KLF12: variants seen among roughly 807,000 people sequenced by gnomAD.
The protein encoded by KLF12 is Krueppel-like factor 12.
Under a neutral mutation model 37.8 loss-of-function variants are expected in KLF12, and 9 were observed. The ratio of observed to expected loss-of-function variants is 0.24; its 90% CI spans 0.14 to 0.42. The LOEUF is 0.42. Ranked by LOEUF, KLF12 falls within the 10% of genes least tolerant of loss-of-function variation. The pLI is 1.00. For missense variants in KLF12, 411 were observed against 516.0 expected, an observed-to-expected ratio of 0.80 and a Z score of 1.97; for synonymous variants, 208 against 202.1, an observed-to-expected ratio of 1.03 and a Z score of -0.25.
At chr13:74,223,249 A>G in the KLF12 span, among the ~76,000 whole-genome samples, 1 of 152,246 alleles carries the variant, frequency 6.6e-6, no homozygotes, top group Non-Finnish European at 1.5e-5. Context: ...TTAACAATAC[A>G]CAATCGGACT....
chr13:74,209,076 A>T, the KLF12 span, among the ~76,000 whole-genome samples: 3 of 151,974 alleles, frequency 2.0e-5, no homozygotes, highest in African/African-American at 7.2e-5. Flanking sequence ...CAGAAATATT[A>T]AAAAAAAGTC....
intron 5 of KLF12, among the ~76,000 whole-genome samples, chr13:73,779,923 T>C (rs1271440984): frequency 6.6e-6 from 1 of 152,218 alleles, no homozygotes; most frequent in Non-Finnish European, 1.5e-5. Context: ...CTGAGAAGGA[T>C]TCACCATTCT....
intron 1 of KLF12, among the ~76,000 whole-genome samples, chr13:74,115,309 T>TA (rs1877230027): frequency 6.6e-6 from 1 of 152,182 alleles, no homozygotes; most frequent in African/African-American, 2.4e-5. Context: ...GTGGCTGCCC[T>TA]AACAATTTTC....
At chr13:74,072,775 C>T (rs1455670267) in intron 1 of KLF12, among the ~76,000 whole-genome samples, 1 of 152,102 alleles carries the variant, frequency 6.6e-6, no homozygotes, top group East Asian at 1.9e-4. Flanking sequence ...ATGTAAGCTA[C>T]AATTTTTGAA....
At chr13:73,850,716 G>C (rs184769274) in intron 3 of KLF12, among the ~76,000 whole-genome samples, 2 of 152,152 alleles carry the variant, frequency 1.3e-5, no homozygotes, top group Admixed American at 6.5e-5. Flanking sequence ...GACATACATG[G>C]GCATTCACAC....
At chr13:73,764,641 G>A (rs1047259691) in intron 6 of KLF12, among the ~76,000 whole-genome samples, 2 of 151,580 alleles carry the variant, frequency 1.3e-5, no homozygotes, top group African/African-American at 2.4e-5. Context: ...ATGTACCTTC[G>A]AAAAAAAGGA....
chr13:73,729,358 C>T (rs1321206796), intron 6 of KLF12, among the ~76,000 whole-genome samples: 1 of 152,182 alleles, frequency 6.6e-6, no homozygotes, highest in Non-Finnish European at 1.5e-5. Flanking sequence ...GTTTACAATA[C>T]TCTCAGTGTA....
At chr13:74,124,696 A>G (rs1385531701) in intron 1 of KLF12, among the ~76,000 whole-genome samples, 1 of 152,194 alleles carries the variant, frequency 6.6e-6, no homozygotes, top group Non-Finnish European at 1.5e-5. Flanking sequence ...ATTTTTGGAA[A>G]AGAAAACTTC....
chr13:73,764,477 TA>T lies in KLF12; in HGVS notation c.869+460del, dbSNP rs34174554. ...AAGAAGATCTTAGTACTCCCCAAAT[TA>T]AAAAAAAAAAAAATCCTGGATATTT... is the stretch of plus-strand genomic sequence containing the variant. On this transcript the variant is annotated intron_variant, in intron 6 of 7. Transcript: ENST00000377669. Among the ~76,000 whole-genome samples, 317 of 148,476 alleles carry T rather than the reference TA, an allele frequency of 2.1e-3. 3 individuals carry two copies. The highest frequency in any genetic ancestry group is 0.014 in the South Asian group (67 of 4,728).
chr13:73,698,197 G>C (rs920085715), intron 7 of KLF12, among the ~76,000 whole-genome samples: 3 of 151,500 alleles, frequency 2.0e-5, no homozygotes, highest in Non-Finnish European at 4.4e-5. Flanking sequence ...AAGGGGGAGG[G>C]GAAAGGGAAG....
chr13:73,806,739 A>T lies in KLF12; in HGVS notation c.806+6413T>A, dbSNP rs145562364. On this transcript the variant is annotated intron_variant, in intron 5 of 7. Coordinates refer to ENST00000377669, the MANE Select transcript of KLF12 (RefSeq NM_007249.5). Reference sequence around the variant, plus strand: ...AGGCCTCCGCTTCTTTATCTGTAGGATACAGACAGTATCATGGGGCAAATT... The same window carrying T: ...AGGCCTCCGCTTCTTTATCTGTAGGTTACAGACAGTATCATGGGGCAAATT... 1.8e-3 allele frequency among the ~76,000 whole-genome samples: 268 copies of T among 152,100 alleles called. 1 individual carries two copies. The highest frequency in any genetic ancestry group is 6.8e-3 in the Middle Eastern group (2 of 294).
chr13:73,858,627 A>G (rs1301689789), intron 3 of KLF12, among the ~76,000 whole-genome samples: 4 of 152,214 alleles, frequency 2.6e-5, no homozygotes, highest in Non-Finnish European at 5.9e-5. Flanking sequence ...TTACTATATA[A>G]TCAACACAAC....
intron 2 of KLF12, among the ~76,000 whole-genome samples, chr13:73,989,711 C>T (rs1021890077): frequency 6.6e-6 from 1 of 152,166 alleles, no homozygotes; most frequent in East Asian, 1.9e-4. Flanking sequence ...CTGGCAAACA[C>T]TAGCCCCATA....
intron 6 of KLF12, among the ~76,000 whole-genome samples, chr13:73,750,548 C>G (rs756912073): frequency 1.3e-5 from 2 of 152,120 alleles, no homozygotes; most frequent in Admixed American, 1.3e-4. Context: ...TGATGCTATG[C>G]TCCATATGGT....
chr13:73,698,915 G>A (rs1019719934), intron 7 of KLF12, among the ~76,000 whole-genome samples: 21 of 152,292 alleles, frequency 1.4e-4, no homozygotes, highest in African/African-American at 4.6e-4. Flanking sequence ...AAATGGGTGG[G>A]TGAGGGAATG....
At chr13:74,210,797 T>C in the KLF12 span, among the ~76,000 whole-genome samples, 1 of 152,218 alleles carries the variant, frequency 6.6e-6, no homozygotes. Context: ...TCTATTGTTC[T>C]CCAGGCCTCA....
intron 1 of KLF12, among the ~76,000 whole-genome samples, chr13:74,048,950 C>A (rs945882457): frequency 2.6e-5 from 4 of 152,182 alleles, no homozygotes. Flanking sequence ...AAATAACAAG[C>A]AACCTGACAC....
intron 5 of KLF12, among the ~76,000 whole-genome samples, chr13:73,807,952 G>A (rs1200561294): frequency 6.6e-6 from 1 of 152,088 alleles, no homozygotes; most frequent in Non-Finnish European, 1.5e-5. Context: ...TAATAAATGA[G>A]CATTATGAAT....
At chr13:74,174,469 G>A in the KLF12 span, among the ~76,000 whole-genome samples, 61,762 of 151,318 alleles carry the variant, frequency 0.41, 15,214 homozygotes, top group East Asian at 0.74. Flanking sequence ...CTCCATCTCC[G>A]ACCTCATGAT....
Sources: gnomAD v4.1 joint callset for allele counts (sites outside exome capture counted in the v4.1 genomes callset) on GRCh38, gnomAD v4.1.1 for gene constraint, MANE v1.5 for transcripts, NCBI Gene and HGNC (gene_info 2026-07-23, HGNC 2026-07-21) for gene names.